The following ABHD12 variants were observed in gnomAD, a reference collection of about 807,000 sequenced individuals.
The protein encoded by ABHD12 is lysophosphatidylserine lipase ABHD12.
Under a neutral mutation model 58.3 loss-of-function variants are expected in ABHD12, and 43 were observed. The observed-to-expected ratio is 0.74, with a 90% CI of 0.58 to 0.95. The LOEUF is 0.95. ABHD12 is among the 40% of genes least tolerant of loss of function. The probability of loss-of-function intolerance (pLI) is 0.00; values close to 1 mark genes in which losing one functional copy is unlikely to be tolerated. For synonymous variants in ABHD12, 219 were observed against 211.2 expected, an observed-to-expected ratio of 1.04 and a Z score of -0.32; for missense variants, 539 against 537.2, an observed-to-expected ratio of 1.00 and a Z score of -0.03.
chr20:25,301,134 G>A (rs1057246372), intron 12 of ABHD12, among the ~76,000 whole-genome samples: 6 of 152,186 alleles, frequency 3.9e-5, no homozygotes, highest in African/African-American at 7.2e-5. Context: ...CTCAACTTCA[G>A]AGCTATTCTC....
At chr20:25,358,780 C>G (rs1395126888) in intron 1 of ABHD12, among the ~76,000 whole-genome samples, 5 of 152,160 alleles carry the variant, frequency 3.3e-5, no homozygotes, top group Non-Finnish European at 5.9e-5. Context: ...CAGGGTCAGA[C>G]AGCACTGTGC....
At chr20:25,345,009 A>C (rs1294009601) in intron 1 of ABHD12, among the ~76,000 whole-genome samples, 1 of 152,240 alleles carries the variant, frequency 6.6e-6, no homozygotes, top group African/African-American at 2.4e-5. Context: ...ATAGACCTAA[A>C]TGTAAAAACA....
rs1421917502 is a variant in ABHD12 at position 25,390,409 on chromosome 20, C to T, written c.191+104G>A. On this transcript the variant is annotated intron_variant, in intron 1 of 12. Transcript: ENST00000339157. ...GGGCGGCCGCGGATCGGGCGGACGG[C>T]CACTCTGGGAGGGGCTGGGAGGTAC... The T allele has an allele frequency of 1.6e-5, 19 of 1,155,260 alleles. No homozygotes were observed. The African/African-American group carries it at 2.8e-4, about 17-fold the overall frequency. 71.6% of individuals were successfully genotyped at this position (1,155,260 alleles called of 1,614,324 possible).
At chr20:25,353,823 T>G (rs1430456496) in intron 1 of ABHD12, among the ~76,000 whole-genome samples, 1 of 152,222 alleles carries the variant, frequency 6.6e-6, no homozygotes, top group African/African-American at 2.4e-5. Context: ...TCCTGGCCTT[T>G]CCTTCTGTCC....
Position 25,308,579 on chromosome 20 carries a change from G to A in ABHD12, c.750-85C>T, listed in dbSNP as rs1349560454. The A allele has an allele frequency of 3.4e-6, 5 of 1,474,532 alleles. No individual in the cohort carries two copies. In the African/African-American group the frequency reaches 4.2e-5, roughly 12 times the overall value. The allele number at this position is 1,474,532 out of a possible 1,614,324, so 91.3% of individuals were successfully genotyped here. ...GCCTTATGCTGGAAAGTGCTCAGAG[G>A]AGCCATGGGGTCTGTGAAGCTACTG... On this transcript the variant is annotated intron_variant, in intron 7 of 12. Transcript: ENST00000339157.
chr20:25,309,747 G>A lies in ABHD12; in HGVS notation c.620-172C>T, dbSNP rs543442133. ...GCCACTGGGCAGAGCAAGCAGTGGGGAGAACGGGCACAACCCCACATCCCC... is the reference window on the plus strand; with the variant it reads ...GCCACTGGGCAGAGCAAGCAGTGGGAAGAACGGGCACAACCCCACATCCCC... On this transcript the variant is annotated intron_variant, in intron 6 of 12. Transcript: ENST00000339157. 5.3e-4 allele frequency among the ~76,000 whole-genome samples: 80 copies of A among 152,350 alleles called. 2 individuals are homozygous for A. Among genetic ancestry groups the A allele is most frequent in the Admixed American group, 5.2e-3 (79 of 15,306 alleles).
chr20:25,308,143 C>T, intron 8 of ABHD12, 98 bp from the exon 9 acceptor site: 2 of 878,256 alleles, frequency 2.3e-6, no homozygotes, highest in East Asian at 2.4e-5. Flanking sequence ...CACAAGGAGA[C>T]CACAGCGCCT....
At chr20:25,370,184 G>A (rs1299795374) in intron 1 of ABHD12, among the ~76,000 whole-genome samples, 1 of 152,180 alleles carries the variant, frequency 6.6e-6, no homozygotes, top group African/African-American at 2.4e-5. Flanking sequence ...GAGTCACAGT[G>A]ATGCATCAGA....
At position 25,309,472 on chromosome 20, in the gene ABHD12, G is replaced by A. The variant is rs1399568788; in HGVS notation, c.723C>T (p.Tyr241=). The change falls in exon 7 of 13, where the codon TAC becomes TAT. Residue 241 remains tyrosine (Y), a synonymous_variant. Transcript: ENST00000339157. ...CAGTGCCCAGAGAGTGGCCCCAGAT[G>A]TACACGGGGTTGTCACCACTTCTTG... ...IKARSGDNPV[Y]IWGHSLGTGV... 1 of 1,614,084 alleles carries A rather than the reference G, an allele frequency of 6.2e-7. No homozygotes were observed. Among genetic ancestry groups the A allele is most frequent in the Non-Finnish European group, 8.5e-7 (1 of 1,180,030 alleles).
chr20:25,334,438 G>A (rs2146019505), intron 2 of ABHD12, among the ~76,000 whole-genome samples: 2 of 151,514 alleles, frequency 1.3e-5, no homozygotes, highest in South Asian at 4.2e-4. Context: ...TTTCTTCACA[G>A]AATTGGAAAA....
At chr20:25,361,134 C>T (rs1341042339) in intron 1 of ABHD12, among the ~76,000 whole-genome samples, 1 of 152,210 alleles carries the variant, frequency 6.6e-6, no homozygotes, top group Non-Finnish European at 1.5e-5. Flanking sequence ...AACCTCCAGT[C>T]CCTGGTCCAC....
chr20:25,303,560 A>G lies in ABHD12; in HGVS notation c.1019T>C (p.Leu340Pro), dbSNP rs746255627. ...GAGGCCAGGACCCACCTTTCTGCCAAGCTGGAAGGGCACCACCGGGTCGTC... is the reference window on the plus strand; with the variant it reads ...GAGGCCAGGACCCACCTTTCTGCCAGGCTGGAAGGGCACCACCGGGTCGTC... Reference protein sequence around the residue: ...AEDDPVVPFQLGRKLYSIAAP... With the variant: ...AEDDPVVPFQPGRKLYSIAAP... The change falls in exon 11 of 13, where the codon CTT becomes CCT. Residue 340 changes from leucine to proline, a missense_variant. Coordinates refer to ENST00000339157, the MANE Select transcript of ABHD12 (RefSeq NM_001042472.3). 1.2e-6 allele frequency: 2 copies of G among 1,613,766 alleles called. No individual in the cohort carries two copies. Among genetic ancestry groups the G allele is most frequent in the Non-Finnish European group, 1.7e-6 (2 of 1,179,984 alleles).
intron 1 of ABHD12, among the ~76,000 whole-genome samples, chr20:25,360,258 T>TTTTTTTTTG: frequency 7.5e-6 from 1 of 133,258 alleles, no homozygotes. Flanking sequence ...TTTTTTTTTT[T>TTTTTTTTTG]GAGATGGAGT....
chr20:25,364,457 G>A (rs1946352273), intron 1 of ABHD12, among the ~76,000 whole-genome samples: 1 of 152,168 alleles, frequency 6.6e-6, no homozygotes, highest in South Asian at 2.1e-4. Context: ...GCAGAGCAGA[G>A]GGGAGGGAAG....
chr20:25,326,405 G>A (rs2089178433), intron 2 of ABHD12, among the ~76,000 whole-genome samples: 1 of 152,120 alleles, frequency 6.6e-6, no homozygotes, highest in Non-Finnish European at 1.5e-5. Flanking sequence ...CCTGACCTGT[G>A]GTAAAGAATG....
intron 1 of ABHD12, among the ~76,000 whole-genome samples, chr20:25,389,032 C>T (rs1325935027): frequency 1.3e-5 from 2 of 152,018 alleles, no homozygotes; most frequent in Admixed American, 1.3e-4. Context: ...TCTCGAACTC[C>T]TGACCTCTGA....
chr20:25,375,443 C>T (rs955203384), intron 1 of ABHD12, among the ~76,000 whole-genome samples: 3 of 152,220 alleles, frequency 2.0e-5, no homozygotes, highest in African/African-American at 2.4e-5. Context: ...TCCTCACACA[C>T]GTGTGCTGAT....
chr20:25,344,704 C>T (rs1195102741), intron 1 of ABHD12, among the ~76,000 whole-genome samples: 3 of 152,096 alleles, frequency 2.0e-5, no homozygotes, highest in Admixed American at 1.3e-4. Context: ...TCAGGATAGA[C>T]AGCATTAAAG....
chr20:25,337,969 A>G (rs1277538149), intron 2 of ABHD12, among the ~76,000 whole-genome samples: 2 of 152,186 alleles, frequency 1.3e-5, no homozygotes, highest in Non-Finnish European at 2.9e-5. Context: ...TTTTACAGTT[A>G]TTTTAAGACA....
Sources: allele counts gnomAD v4.1 joint callset (sites outside exome capture counted in the v4.1 genomes callset), GRCh38; gene constraint gnomAD v4.1.1; transcripts MANE v1.5; gene names NCBI Gene and HGNC (gene_info 2026-07-23, HGNC 2026-07-21).